The following SIN3B variants were observed in gnomAD, a reference collection of about 807,000 sequenced individuals.
SIN3B encodes paired amphipathic helix protein Sin3b.
In SIN3B, 19 loss-of-function variants were observed where a neutral mutation model predicts 120.2. That is an observed-to-expected ratio of 0.16 (90% CI 0.11 to 0.23). SIN3B has a LOEUF of 0.23. Ranked by LOEUF, SIN3B falls within the 10% of genes least tolerant of loss-of-function variation. SIN3B has a pLI of 1.00. For synonymous variants in SIN3B, 654 were observed against 653.2 expected (o/e 1.00, Z -0.02); for missense variants, 1,073 against 1,573.0 (o/e 0.68, Z 5.38).
intron 4 of SIN3B, among the ~76,000 whole-genome samples, chr19:16,845,760 C>T (rs1343209669): frequency 6.6e-6 from 1 of 152,098 alleles, no homozygotes; most frequent in Admixed American, 6.6e-5. Flanking sequence ...TGCTCTGTTG[C>T]CTAGGCTGGA....
At chr19:16,851,850 G>A (rs949990395) in intron 6 of SIN3B, among the ~76,000 whole-genome samples, 5 of 152,238 alleles carry the variant, frequency 3.3e-5, no homozygotes, top group African/African-American at 9.6e-5. Flanking sequence ...AGGCAAGGCC[G>A]CCATGTACGT....
intron 5 of SIN3B, among the ~76,000 whole-genome samples, chr19:16,847,439 G>A (rs1371627383): frequency 6.6e-6 from 1 of 152,248 alleles, no homozygotes; most frequent in African/African-American, 2.4e-5. Context: ...GCCCCACCCT[G>A]CCTGGGACCC....
chr19:16,843,533 T>A (rs1971444119), intron 4 of SIN3B, among the ~76,000 whole-genome samples: 1 of 152,212 alleles, frequency 6.6e-6, no homozygotes, highest in Non-Finnish European at 1.5e-5. Flanking sequence ...AGGGATGTGC[T>A]TGTGATCGTA....
At chr19:16,858,104 T>G (rs1418103715) in intron 8 of SIN3B, among the ~76,000 whole-genome samples, 1 of 152,128 alleles carries the variant, frequency 6.6e-6, no homozygotes, top group African/African-American at 2.4e-5. Context: ...CTCAAACTCC[T>G]GGCCTCAAGT....
chr19:16,869,477 G>T lies in SIN3B; in HGVS notation c.1824G>T (p.Ser608=), dbSNP rs762525766. 1.2e-6 allele frequency: 2 copies of T among 1,609,328 alleles called. No homozygotes were observed. The highest frequency in any genetic ancestry group is 1.7e-5 in the Admixed American group (1 of 59,920). The change falls in exon 13 of 19, where the codon TCG becomes TCT. Residue 608 remains serine (S), a synonymous_variant. Coordinates refer to ENST00000248054, the MANE Select transcript of SIN3B (RefSeq NM_001297595.2). ...SVYDEHQEQH[S]EGRSAPSSEP... The stretch of plus-strand genomic sequence containing the variant: ...CCCCACAGCACCAGGAGCAGCACTC[G>T]GAGGGCCGCAGTGCCCCCTCTAGCG...
At position 16,877,556 on chromosome 19, in the gene SIN3B, G is replaced by A. The variant is rs778937411; in HGVS notation, c.2871G>A (p.Arg957=). The part of the protein sequence containing the change: ...EDPVEVQHLA[R]YVEQYVGTEG... ...CTCCCTGTCCCCAGCACCTGGCTCG[G>A]TACGTGGAGCAGTATGTGGGGACCG... is the stretch of plus-strand genomic sequence containing the variant. The change falls in exon 17 of 19, where the codon CGG becomes CGA. Residue 957 remains arginine, a synonymous_variant. Coordinates refer to ENST00000248054, the MANE Select transcript of SIN3B (RefSeq NM_001297595.2). The A allele has an allele frequency of 8.7e-6, 14 of 1,609,378 alleles. No homozygotes were observed. The highest frequency in any genetic ancestry group is 1.2e-5 in the Non-Finnish European group (14 of 1,178,394).
intron 3 of SIN3B, among the ~76,000 whole-genome samples, chr19:16,835,995 C>T (rs573211665): frequency 6.6e-6 from 1 of 152,116 alleles, no homozygotes; most frequent in East Asian, 1.9e-4. Flanking sequence ...TATCTTTTTC[C>T]CCCCCCAATT....
At chr19:16,870,418 G>A (rs182047787) in intron 13 of SIN3B, among the ~76,000 whole-genome samples, 4 of 149,840 alleles carry the variant, frequency 2.7e-5, no homozygotes, top group East Asian at 2.0e-4. Flanking sequence ...GGAGTCTTGC[G>A]CTGTTGCGCA....
chr19:16,839,829 C>G (rs538845888), intron 3 of SIN3B, among the ~76,000 whole-genome samples: 1 of 152,196 alleles, frequency 6.6e-6, no homozygotes, highest in Non-Finnish European at 1.5e-5. Flanking sequence ...CCAGCCTGGC[C>G]AATATGGTGA....
At position 16,878,568 on chromosome 19, in the gene SIN3B, T is replaced by C. The variant is rs763957859; in HGVS notation, c.3234T>C (p.Asn1078=). 29 of 1,609,400 alleles carry C rather than the reference T, an allele frequency of 1.8e-5. No homozygotes were observed. Among genetic ancestry groups the C allele is most frequent in the Non-Finnish European group, 2.3e-5 (27 of 1,178,118 alleles). The change falls in exon 19 of 19, where the codon AAT becomes AAC. Residue 1078 remains asparagine, a synonymous_variant. Coordinates refer to ENST00000248054, the MANE Select transcript of SIN3B (RefSeq NM_001297595.2). ...GGCACAGCCGCTGGCTGGAGGACAA[T>C]GTGACGGTGGAGGCGGCTAGCCTGG... ...EEWHSRWLED[N]VTVEAASLVQ...
At chr19:16,836,412 G>C (rs886902327) in intron 3 of SIN3B, among the ~76,000 whole-genome samples, 2 of 152,156 alleles carry the variant, frequency 1.3e-5, no homozygotes, top group African/African-American at 4.8e-5. Flanking sequence ...ATCATTTACT[G>C]TCTGGTAATT....
At chr19:16,863,462 T>TG in intron 9 of SIN3B, 1 of 565,490 alleles carries the variant, frequency 1.8e-6, no homozygotes, top group South Asian at 2.3e-5. Flanking sequence ...TCTTCAGGGG[T>TG]GGTTCTGGAA....
intron 8 of SIN3B, among the ~76,000 whole-genome samples, chr19:16,860,651 A>C (rs1599604608): frequency 7.6e-6 from 1 of 132,332 alleles, no homozygotes; most frequent in Admixed American, 9.0e-5. Flanking sequence ...CCCAGGCTGG[A>C]GTGCAGTGGC....
intron 7 of SIN3B, among the ~76,000 whole-genome samples, chr19:16,853,791 G>A (rs553866409): frequency 5.4e-5 from 8 of 147,514 alleles, no homozygotes; most frequent in Middle Eastern, 3.4e-3. Flanking sequence ...TGCACGGATC[G>A]CATGCACAAA....
At chr19:16,855,172 G>A (rs532068464) in intron 8 of SIN3B, 1 of 152,238 alleles carries the variant, frequency 6.6e-6, no homozygotes, top group African/African-American at 2.4e-5. Flanking sequence ...CTTTCTCACT[G>A]TGGAGGGTTG....
At chr19:16,837,649 G>T (rs542581784) in intron 3 of SIN3B, among the ~76,000 whole-genome samples, 49 of 151,866 alleles carry the variant, frequency 3.2e-4, no homozygotes, top group African/African-American at 1.1e-3. Context: ...TGATGGGGAC[G>T]GAGTGGACAG....
At chr19:16,847,180 G>C (rs1599595551) in intron 5 of SIN3B, 67 bp downstream of exon 5, 1 of 1,550,734 alleles carries the variant, frequency 6.4e-7, no homozygotes, top group Non-Finnish European at 8.8e-7. Context: ...CAGCCAGCTT[G>C]ACCCATGTCC....
At chr19:16,865,120 C>T (rs1971746239) in intron 10 of SIN3B, 3 of 285,474 alleles carry the variant, frequency 1.1e-5, no homozygotes, top group Non-Finnish European at 2.0e-5. Flanking sequence ...CGTGAGCCAC[C>T]GTGCCCGGCC....
Position 16,854,171 on chromosome 19 carries a change from T to C in SIN3B, c.968T>C (p.Val323Ala), listed in dbSNP as rs768446761. ...KVRRVLKSQE[V>A]YENFLRCIAL... Reference sequence around the variant, plus strand: ...CGCCGGGTGCTGAAGAGCCAGGAGGTGTATGAAAACTTCCTCCGCTGCATC... The same window carrying C: ...CGCCGGGTGCTGAAGAGCCAGGAGGCGTATGAAAACTTCCTCCGCTGCATC... The change falls in exon 8 of 19, where the codon GTG (valine) becomes GCG (alanine). Residue 323 changes from valine (V) to alanine (A), a missense_variant. By Grantham distance (64) the Val-to-Ala change is moderately conservative. Around this residue, in one of 7 missense-constraint regions of SIN3B, gnomAD observed 395 missense variants for 528.0 expected, o/e 0.75. Coordinates refer to ENST00000248054, the MANE Select transcript of SIN3B (RefSeq NM_001297595.2). The C allele has an allele frequency of 6.2e-7, 1 of 1,611,926 alleles. No individual in the cohort carries two copies. The highest frequency in any genetic ancestry group is 8.5e-7 in the Non-Finnish European group (1 of 1,179,812).
Sources: gnomAD v4.1 joint callset for allele counts (sites outside exome capture counted in the v4.1 genomes callset) on GRCh38, gnomAD v4.1.1 for gene constraint, gnomAD v4.1.1 regional missense constraint, MANE v1.5 for transcripts, NCBI Gene and HGNC (gene_info 2026-07-23, HGNC 2026-07-21) for gene names.